PAXBP1: variants seen among roughly 807,000 people sequenced by gnomAD.
PAXBP1 encodes the protein PAX3 and PAX7 binding protein 1, also known as PAX3- and PAX7-binding protein 1.
In PAXBP1, 44 loss-of-function variants were observed where a neutral mutation model predicts 119.9. The ratio of observed to expected loss-of-function variants is 0.37; its 90% CI spans 0.29 to 0.47. PAXBP1 has a LOEUF of 0.47. PAXBP1 is among the 20% of genes least tolerant of loss of function. The pLI, the probability that PAXBP1 is intolerant of heterozygous loss-of-function variation, is 0.99. For missense variants in PAXBP1, 898 were observed against 1,134.1 expected, an observed-to-expected ratio of 0.79 and a Z score of 2.99; for synonymous variants, 393 against 406.6, an observed-to-expected ratio of 0.97 and a Z score of 0.40.
rs773248636 is a variant in PAXBP1, at chr21:32,734,992, G to A, written c.2712C>T (p.Asp904=). The change falls in exon 18 of 18, where the codon GAC becomes GAT. Residue 904 remains aspartate (D), a synonymous_variant. Transcript: ENST00000331923. ...ALDHAMSVAS[D]HNVKEFKSLI... is the part of the protein sequence containing the mutation. The stretch of plus-strand genomic sequence containing the variant: ...AAGACTTAAATTCTTTCACATTGTG[G>A]TCACTTGCAACAGACATAGCATGAT... 1 of 1,613,732 alleles carries A rather than the reference G, an allele frequency of 6.2e-7. No individual in the cohort carries two copies. The highest frequency in any genetic ancestry group is 1.1e-5 in the South Asian group (1 of 91,068).
Position 32,769,884 on chromosome 21 carries a change from C to T in PAXBP1, c.402G>A (p.Leu134=). The T allele has an allele frequency of 6.3e-7, 1 of 1,587,646 alleles. No individual in the cohort carries two copies. The highest frequency in any genetic ancestry group is 8.6e-7 in the Non-Finnish European group (1 of 1,166,838). Residue 134 remains leucine, a synonymous_variant, in exon 2 of 18, where the codon TTG becomes TTA. Coordinates refer to ENST00000331923, the MANE Select transcript of PAXBP1 (RefSeq NM_016631.4). ...KSSYSKKIVK[L]LKKEYKEDLE... ...GATCTTCTTTATATTCCTTCTTGAG[C>T]AATTTTACTATCTTTTTGCTATAAC...
chr21:32,749,277 C>G (rs1337553451), intron 10 of PAXBP1, among the ~76,000 whole-genome samples: 1 of 151,694 alleles, frequency 6.6e-6, no homozygotes, highest in Non-Finnish European at 1.5e-5. Context: ...TCACTGCAAT[C>G]TCTGCCTCCC....
At chr21:32,764,207 C>G in intron 3 of PAXBP1, 141 bp downstream of exon 3, 1 of 776,262 alleles carries the variant, frequency 1.3e-6, no homozygotes, top group Non-Finnish European at 2.0e-6. Context: ...TTTATATTTG[C>G]AAATGGAAAA....
chr21:32,744,780 A>T lies in PAXBP1; in HGVS notation c.2190+12T>A, dbSNP rs757963961. On this transcript the variant is annotated intron_variant, in intron 13 of 17. Transcript: ENST00000331923. ...GGAAAAAAAAAAAAGGCTTCAAAAG[A>T]TACTAAATTACCTGTGTATTTTTAT... The T allele has an allele frequency of 6.4e-7, 1 of 1,553,858 alleles. No individual in the cohort carries two copies. The highest frequency in any genetic ancestry group is 8.7e-7 in the Non-Finnish European group (1 of 1,155,536).
chr21:32,754,542 T>C (rs757563008), intron 8 of PAXBP1, among the ~76,000 whole-genome samples: 7 of 152,216 alleles, frequency 4.6e-5, no homozygotes, highest in Non-Finnish European at 1.0e-4. Flanking sequence ...CGCTGAACTA[T>C]TTAACAAGAG....
Position 32,771,612 on chromosome 21 carries a change from TTCC to T in PAXBP1, c.54_56del (p.Glu20del), listed in dbSNP as rs2044358420. On this transcript the variant is annotated inframe_deletion, in exon 1 of 18. Coordinates refer to ENST00000331923, the MANE Select transcript of PAXBP1 (RefSeq NM_016631.4). ...CCTGCTCCTCATCGCGTTCCCGCTC[TTCC>T]TCTTCGGAGTCGTTCCGCTTGCGCA... The T allele has an allele frequency of 6.8e-7, 1 of 1,467,830 alleles. No individual in the cohort carries two copies. The highest frequency in any genetic ancestry group is 3.0e-5 in the East Asian group (1 of 33,424). 90.9% of individuals were successfully genotyped at this position (1,467,830 alleles called of 1,614,324 possible). A position where few individuals can be genotyped will look rare whatever the true frequency, so the allele number is the denominator to read the frequency against.
chr21:32,771,633 C>G lies in PAXBP1; in HGVS notation c.36G>C (p.Lys12Asn). 3 of 1,456,062 alleles carry G rather than the reference C, an allele frequency of 2.1e-6. No individual in the cohort carries two copies. Among genetic ancestry groups the G allele is most frequent in the Non-Finnish European group, 2.7e-6 (3 of 1,108,100 alleles). 90.2% of individuals were successfully genotyped at this position (1,456,062 alleles called of 1,614,324 possible). A position where few individuals can be genotyped will look rare whatever the true frequency, so the allele number is the denominator to read the frequency against. The part of the protein sequence containing the change: ...FRKARRVNVR[K>N]RNDSEEEERE... Reference sequence around the variant, plus strand: ...GCTCTTCCTCTTCGGAGTCGTTCCGCTTGCGCACGTTCACCCGCCGGGCCT... The same window carrying G: ...GCTCTTCCTCTTCGGAGTCGTTCCGGTTGCGCACGTTCACCCGCCGGGCCT... Residue 12 changes from lysine (K) to asparagine (N), a missense_variant, in exon 1 of 18, where the codon AAG (lysine) becomes AAC (asparagine). Lys to Asn is a moderately conservative substitution (Grantham distance 94, BLOSUM62 0). Transcript: ENST00000331923.
At chr21:32,767,957 C>G (rs752857214) in intron 2 of PAXBP1, among the ~76,000 whole-genome samples, 1 of 152,172 alleles carries the variant, frequency 6.6e-6, no homozygotes, top group Non-Finnish European at 1.5e-5. Flanking sequence ...TTCCTAGACT[C>G]CAAAATAACC....
chr21:32,736,457 G>T (rs2043694610), intron 17 of PAXBP1, among the ~76,000 whole-genome samples: 1 of 152,150 alleles, frequency 6.6e-6, no homozygotes, highest in Non-Finnish European at 1.5e-5. Flanking sequence ...AAAGTACTGG[G>T]ATTACAGGCA....
chr21:32,751,146 C>T lies in PAXBP1; in HGVS notation c.1580G>A (p.Arg527His), dbSNP rs752646572. Residue 527 changes from arginine to histidine, a missense_variant, in exon 9 of 18, where the codon CGT becomes CAT. Arg to His is a conservative substitution (Grantham distance 29). This residue lies in a region of PAXBP1 where 599 missense variants were observed against 852.7 expected (regional missense o/e 0.70). Coordinates refer to ENST00000331923, the MANE Select transcript of PAXBP1 (RefSeq NM_016631.4). ...CCTGGCCTCCCGCTCTGCAATGCGACGTTTTGCATGCTCTTGATACAGTGC... is the reference window on the plus strand; with the variant it reads ...CCTGGCCTCCCGCTCTGCAATGCGATGTTTTGCATGCTCTTGATACAGTGC... ...DRALYQEHAKRRIAEREARRT... is the reference protein window; with the variant it reads ...DRALYQEHAKHRIAEREARRT... 4.3e-6 allele frequency: 7 copies of T among 1,613,840 alleles called. No individual in the cohort carries two copies. Among genetic ancestry groups the T allele is most frequent in the East Asian group, 2.2e-5 (1 of 44,886 alleles).
intron 3 of PAXBP1, among the ~76,000 whole-genome samples, chr21:32,762,911 C>CAA (rs763196446): frequency 1.7e-4 from 8 of 47,792 alleles, no homozygotes; most frequent in Non-Finnish European, 3.1e-4. Flanking sequence ...AACTCCGTCT[C>CAA]AAAAAAAAAA....
At chr21:32,766,280 G>GT (rs1569168477) in intron 2 of PAXBP1, among the ~76,000 whole-genome samples, 1 of 152,136 alleles carries the variant, frequency 6.6e-6, no homozygotes, top group African/African-American at 2.4e-5. Context: ...AAATTCACAA[G>GT]TATTTGCTTA....
chr21:32,735,269 G>C (rs954325980), intron 17 of PAXBP1, among the ~76,000 whole-genome samples: 13 of 151,836 alleles, frequency 8.6e-5, no homozygotes. Flanking sequence ...ACTTACATAT[G>C]TTTAAATGAC....
chr21:32,770,767 T>C (rs1212125011), intron 1 of PAXBP1, among the ~76,000 whole-genome samples: 2 of 152,296 alleles, frequency 1.3e-5, no homozygotes, highest in South Asian at 4.1e-4. Flanking sequence ...GAAGGCTGGG[T>C]ATCTGCTACC....
At chr21:32,743,072 A>G (rs1348569025) in intron 15 of PAXBP1, 176 bp downstream of exon 15, 2 of 697,716 alleles carry the variant, frequency 2.9e-6, no homozygotes, top group Non-Finnish European at 5.3e-6. Context: ...TTCTCCTGTG[A>G]AAATATCAAA....
At chr21:32,744,142 G>A (rs1428761411) in intron 13 of PAXBP1, among the ~76,000 whole-genome samples, 1 of 151,342 alleles carries the variant, frequency 6.6e-6, no homozygotes, top group African/African-American at 2.4e-5. Context: ...GTATCTAGTT[G>A]TTTTATATGC....
chr21:32,769,706 G>C, intron 2 of PAXBP1, 108 bp downstream of exon 2: 2 of 1,156,356 alleles, frequency 1.7e-6, no homozygotes, highest in Non-Finnish European at 2.4e-6. Flanking sequence ...AAGGGCCCTT[G>C]ACAACCACAG....
rs138154013 is a variant in PAXBP1 at position 32,742,678 on chromosome 21, G to C, written c.2334+570C>G. The C allele has an allele frequency of 1.6e-3, 314 of 199,924 alleles. 4 individuals are homozygous for C. The highest frequency in any genetic ancestry group is 6.7e-3 in the African/African-American group (283 of 42,386). 12.4% of individuals were successfully genotyped at this position (199,924 alleles called of 1,614,324 possible). On this transcript the variant is annotated intron_variant, in intron 15 of 17. Coordinates refer to ENST00000331923, the MANE Select transcript of PAXBP1 (RefSeq NM_016631.4). ...TGCTATATCCCCGAACCTCAGAAGAGTATCTGCTACAGCAGTACTCCTTAT... is the reference window on the plus strand; with the variant it reads ...TGCTATATCCCCGAACCTCAGAAGACTATCTGCTACAGCAGTACTCCTTAT...
chr21:32,756,661 TCA>T, intron 7 of PAXBP1: 1 of 249,128 alleles, frequency 4.0e-6, no homozygotes, highest in South Asian at 4.0e-5. Flanking sequence ...CCCCATGCCC[TCA>T]TTTTTTTTTT....
Sources: gnomAD v4.1 joint callset for allele counts (sites outside exome capture counted in the v4.1 genomes callset) on GRCh38, gnomAD v4.1.1 for gene constraint, gnomAD v4.1.1 regional missense constraint, MANE v1.5 for transcripts, NCBI Gene and HGNC (gene_info 2026-07-23, HGNC 2026-07-21) for gene names.